PTTG1IP2: variants seen among roughly 807,000 people sequenced by gnomAD.
PTTG1IP2 encodes the protein PTTG1IP family member 2.
At chr7:90,496,353 C>T (rs563462734) in intron 6 of PTTG1IP2, among the ~76,000 whole-genome samples, 1 of 152,208 alleles carries the variant, frequency 6.6e-6, no homozygotes, top group African/African-American at 2.4e-5. Flanking sequence ...TTTTCTATTT[C>T]TTAAGAATTC....
intron 6 of PTTG1IP2, among the ~76,000 whole-genome samples, chr7:90,504,504 C>A (rs1365788884): frequency 6.6e-6 from 1 of 152,118 alleles, no homozygotes; most frequent in African/African-American, 2.4e-5. Flanking sequence ...GTCACAACTA[C>A]CTTGCTGTTG....
At chr7:90,509,506 T>C (rs1225780000) in intron 6 of PTTG1IP2, among the ~76,000 whole-genome samples, 1 of 152,084 alleles carries the variant, frequency 6.6e-6, no homozygotes, top group African/African-American at 2.4e-5. Context: ...AAGAAAGTTT[T>C]GGTGAGAAGG....
intron 6 of PTTG1IP2, among the ~76,000 whole-genome samples, chr7:90,504,825 G>T (rs767910580): frequency 1.2e-4 from 19 of 152,212 alleles, no homozygotes; most frequent in African/African-American, 1.4e-4. Context: ...GGCTGATTAT[G>T]TGTGCACAAC....
intron 6 of PTTG1IP2, among the ~76,000 whole-genome samples, chr7:90,495,967 G>A (rs190074206): frequency 6.6e-5 from 10 of 152,220 alleles, no homozygotes; most frequent in Admixed American, 2.0e-4. Context: ...GGGTTGGGGG[G>A]GAGTACTCTT....
chr7:90,473,333 G>C (rs1193575401), intron 1 of PTTG1IP2, among the ~76,000 whole-genome samples: 1 of 152,150 alleles, frequency 6.6e-6, no homozygotes, highest in Non-Finnish European at 1.5e-5. Flanking sequence ...GACCACAGAT[G>C]CTAGACATGA....
chr7:90,495,297 T>C (rs371739143), intron 6 of PTTG1IP2, among the ~76,000 whole-genome samples: 9 of 152,354 alleles, frequency 5.9e-5, no homozygotes, highest in East Asian at 1.9e-4. Flanking sequence ...TGTCACTTGT[T>C]ACTACTGTAA....
At chr7:90,507,189 C>T (rs1185074809) in intron 6 of PTTG1IP2, among the ~76,000 whole-genome samples, 1 of 152,056 alleles carries the variant, frequency 6.6e-6, no homozygotes, top group African/African-American at 2.4e-5. Context: ...GTAGGGATAA[C>T]ATTTTTTTCT....
At chr7:90,488,531 A>G (rs1584694939) in intron 3 of PTTG1IP2, among the ~76,000 whole-genome samples, 2 of 152,194 alleles carry the variant, frequency 1.3e-5, no homozygotes, top group East Asian at 3.9e-4. Context: ...CTTTAGAGAT[A>G]CAACAGCCTG....
chr7:90,490,637 AAAG>A (rs1797927926), intron 4 of PTTG1IP2, among the ~76,000 whole-genome samples: 1 of 152,144 alleles, frequency 6.6e-6, no homozygotes, highest in Admixed American at 6.5e-5. Context: ...TACAAATCAG[AAAG>A]AAGAACCAAT....
intron 6 of PTTG1IP2, among the ~76,000 whole-genome samples, chr7:90,505,947 G>A (rs986317098): frequency 8.4e-5 from 11 of 130,824 alleles, no homozygotes; most frequent in African/African-American, 1.5e-4. Flanking sequence ...TTCCGCCACT[G>A]CAGTCCGCAG....
At chr7:90,472,571 C>T (rs1797704521) in intron 1 of PTTG1IP2, among the ~76,000 whole-genome samples, 1 of 152,206 alleles carries the variant, frequency 6.6e-6, no homozygotes, top group South Asian at 2.1e-4. Context: ...TAATGGTGAA[C>T]ACACCAAGAA....
chr7:90,498,880 C>G (rs1798028496), intron 6 of PTTG1IP2, among the ~76,000 whole-genome samples: 1 of 152,148 alleles, frequency 6.6e-6, no homozygotes, highest in Admixed American at 6.5e-5. Context: ...GAGACAGGGT[C>G]TCGCTCTGTC....
chr7:90,513,120 T>C (rs1328389276), intron 6 of PTTG1IP2, among the ~76,000 whole-genome samples, 158 bp from the exon 7 acceptor site: 1 of 152,252 alleles, frequency 6.6e-6, no homozygotes, highest in Non-Finnish European at 1.5e-5. Flanking sequence ...ATTAACCATG[T>C]ACAGCTTTTC....
chr7:90,480,335 C>T (rs17862204), intron 2 of PTTG1IP2, among the ~76,000 whole-genome samples: 4 of 152,272 alleles, frequency 2.6e-5, no homozygotes, highest in Non-Finnish European at 4.4e-5. Flanking sequence ...CCATAGACTT[C>T]CTTCTCTTCT....
chr7:90,481,213 G>A (rs1797812212), intron 2 of PTTG1IP2, among the ~76,000 whole-genome samples: 1 of 151,894 alleles, frequency 6.6e-6, no homozygotes, highest in African/African-American at 2.4e-5. Flanking sequence ...TATTTTTTGT[G>A]GGTACATAGT....
intron 3 of PTTG1IP2, 100 bp downstream of exon 3, chr7:90,487,520 C>A (rs1044943578): frequency 6.6e-6 from 1 of 152,508 alleles, no homozygotes; most frequent in Non-Finnish European, 1.5e-5. Context: ...ATTACATTTG[C>A]CTTACATATT....
At chr7:90,487,303 T>C (rs1797885018) in intron 2 of PTTG1IP2, 24 bp from the exon 3 acceptor site, 1 of 152,646 alleles carries the variant, frequency 6.6e-6, no homozygotes, top group African/African-American at 2.4e-5. Context: ...GACACCACTT[T>C]TATTTTTCTC....
At chr7:90,511,600 C>G (rs1179333718) in intron 6 of PTTG1IP2, among the ~76,000 whole-genome samples, 1 of 151,952 alleles carries the variant, frequency 6.6e-6, no homozygotes, top group Admixed American at 6.6e-5. Flanking sequence ...TTTTTCAAAC[C>G]TTATTTCCAC....
chr7:90,508,318 T>C (rs1342134545), intron 6 of PTTG1IP2, among the ~76,000 whole-genome samples: 1 of 150,698 alleles, frequency 6.6e-6, no homozygotes, highest in African/African-American at 2.4e-5. Flanking sequence ...GTAAGTTCCA[T>C]GTTAGGCACC....
Sources: allele counts gnomAD v4.1 joint callset (sites outside exome capture counted in the v4.1 genomes callset), GRCh38; gene constraint gnomAD v4.1.1; transcripts MANE v1.5; gene names NCBI Gene and HGNC (gene_info 2026-07-23, HGNC 2026-07-21).